Variants in CCDC66 observed in about 807,000 individuals in gnomAD.
The protein encoded by CCDC66 is coiled-coil domain-containing protein 66.
In CCDC66, 133 loss-of-function variants were observed where a neutral mutation model predicts 128.3. That is an observed-to-expected ratio of 1.04 (90% CI 0.90 to 1.20). The LOEUF (loss-of-function observed/expected upper bound fraction) is 1.20. Ranked by LOEUF, CCDC66 falls within the 50% of genes most tolerant of loss-of-function variation. CCDC66 has a pLI of 0.00. For synonymous variants in CCDC66, 387 were observed against 357.0 expected, an observed-to-expected ratio of 1.08 and a Z score of -0.95; for missense variants, 1,126 against 1,075.5, an observed-to-expected ratio of 1.05 and a Z score of -0.66.
chr3:56,610,855 C>A (rs1202235894), intron 10 of CCDC66, among the ~76,000 whole-genome samples: 2 of 152,194 alleles, frequency 1.3e-5, no homozygotes, highest in Non-Finnish European at 2.9e-5. Flanking sequence ...GGTCCAGCCA[C>A]CCAGTGAGTC....
chr3:56,557,351 G>A, intron 1 of CCDC66, 98 bp downstream of exon 1: 1 of 1,473,638 alleles, frequency 6.8e-7, no homozygotes, highest in African/African-American at 1.4e-5. Flanking sequence ...AGTCTTTACT[G>A]GAGAACGTTC....
At chr3:56,579,035 G>C (rs57669926) in intron 7 of CCDC66, among the ~76,000 whole-genome samples, 7,485 of 151,814 alleles carry the variant, frequency 0.049, 242 homozygotes, top group East Asian at 0.097. Context: ...GAATCCGTTT[G>C]GTCCTGGACT....
At chr3:56,584,134 G>A (rs1280374323) in intron 7 of CCDC66, among the ~76,000 whole-genome samples, 9 of 140,114 alleles carry the variant, frequency 6.4e-5, no homozygotes, top group African/African-American at 8.1e-5. Context: ...CCTCCCGGAC[G>A]GGGCGGCTGG....
At chr3:56,576,588 G>C (rs1442098219) in intron 7 of CCDC66, among the ~76,000 whole-genome samples, 1 of 126,894 alleles carries the variant, frequency 7.9e-6, no homozygotes, top group Non-Finnish European at 1.6e-5. Flanking sequence ...CCCGATGTGT[G>C]ATGTTCCCCA....
chr3:56,572,303 A>G, intron 7 of CCDC66: 1 of 1,201,924 alleles, frequency 8.3e-7, no homozygotes, highest in Non-Finnish European at 1.1e-6. Flanking sequence ...AAACAGTGTC[A>G]CTGTTTTTCT....
At chr3:56,566,453 A>G (rs2065874640) in intron 4 of CCDC66, 141 bp from the exon 5 acceptor site, 2 of 530,902 alleles carry the variant, frequency 3.8e-6, no homozygotes, top group African/African-American at 2.0e-5. Context: ...CAGGAAGGGA[A>G]ACTTAATGGC....
At chr3:56,600,794 T>C (rs2073028477) in intron 10 of CCDC66, among the ~76,000 whole-genome samples, 1 of 152,156 alleles carries the variant, frequency 6.6e-6, no homozygotes, top group South Asian at 2.1e-4. Flanking sequence ...GAGAAGTGTC[T>C]GCTCATAGTC....
chr3:56,605,962 TCC>T (rs34512363), intron 10 of CCDC66, among the ~76,000 whole-genome samples: 52,655 of 151,700 alleles, frequency 0.35, 9,897 homozygotes, highest in East Asian at 0.48. Flanking sequence ...TTTCAGAGAT[TCC>T]CTGTCCAAAG....
intron 4 of CCDC66, among the ~76,000 whole-genome samples, chr3:56,565,956 G>A (rs1166646752): frequency 3.3e-5 from 5 of 152,178 alleles, no homozygotes; most frequent in African/African-American, 4.8e-5. Context: ...GTGAGCCACC[G>A]TGCCTGGCCA....
At chr3:56,582,714 T>A (rs912882140) in intron 7 of CCDC66, among the ~76,000 whole-genome samples, 1 of 151,596 alleles carries the variant, frequency 6.6e-6, no homozygotes, top group Non-Finnish European at 1.5e-5. Context: ...TTGATGTGGA[T>A]CCTTCTGGTA....
chr3:56,560,827 C>T (rs1287400459), intron 3 of CCDC66: 1 of 446,340 alleles, frequency 2.2e-6, no homozygotes, highest in Non-Finnish European at 4.5e-6. Context: ...CTCTTCTCTT[C>T]CATAACTTAC....
intron 7 of CCDC66, among the ~76,000 whole-genome samples, chr3:56,589,486 TAATA>T (rs1464162375): frequency 1.3e-5 from 2 of 152,070 alleles, no homozygotes; most frequent in Non-Finnish European, 2.9e-5. Context: ...CAAGAAAGAA[TAATA>T]AATCATGATG....
At chr3:56,584,165 A>C (rs1283555982) in intron 7 of CCDC66, among the ~76,000 whole-genome samples, 7 of 125,672 alleles carry the variant, frequency 5.6e-5, no homozygotes, top group African/African-American at 2.2e-4. Flanking sequence ...GCGGCCCCCC[A>C]CCTCCCGGGC....
chr3:56,590,542 G>A (rs2070693391), intron 7 of CCDC66, among the ~76,000 whole-genome samples: 1 of 152,012 alleles, frequency 6.6e-6, no homozygotes, highest in Admixed American at 6.6e-5. Context: ...TGGATTTCTT[G>A]AGCCCAGGAG....
intron 10 of CCDC66, among the ~76,000 whole-genome samples, chr3:56,598,129 A>C (rs1356243823): frequency 1.0e-5 from 1 of 96,728 alleles, no homozygotes; most frequent in Non-Finnish European, 2.6e-5. Flanking sequence ...GGACGTTTTG[A>C]TTTTAGTTTG....
intron 7 of CCDC66, among the ~76,000 whole-genome samples, chr3:56,575,386 A>G (rs1305177216): frequency 6.6e-6 from 1 of 151,858 alleles, no homozygotes. Flanking sequence ...ATTTGCATGT[A>G]TTTGAAGAAA....
chr3:56,586,667 A>G (rs1351728877), intron 7 of CCDC66, among the ~76,000 whole-genome samples: 1 of 151,970 alleles, frequency 6.6e-6, no homozygotes, highest in African/African-American at 2.4e-5. Flanking sequence ...TGAAAAGTCA[A>G]AAATCCTTTG....
intron 10 of CCDC66, among the ~76,000 whole-genome samples, chr3:56,611,462 G>C (rs2074798121): frequency 7.3e-6 from 1 of 137,050 alleles, no homozygotes; most frequent in Non-Finnish European, 1.5e-5. Flanking sequence ...TCTGTTTCCA[G>C]GTATAGGGCC....
chr3:56,581,868 C>T (rs955878546), intron 7 of CCDC66, among the ~76,000 whole-genome samples: 5 of 151,838 alleles, frequency 3.3e-5, no homozygotes, highest in Non-Finnish European at 7.4e-5. Flanking sequence ...GGTTAGGGAC[C>T]CACATGAGGA....
Sources: allele counts gnomAD v4.1 joint callset (sites outside exome capture counted in the v4.1 genomes callset), GRCh38; gene constraint gnomAD v4.1.1; transcripts MANE v1.5; gene names NCBI Gene and HGNC (gene_info 2026-07-23, HGNC 2026-07-21).